Variants in RBFOX1 observed in about 807,000 individuals in gnomAD.
The protein encoded by RBFOX1 is RNA binding protein fox-1 homolog 1.
A neutral mutation model predicts 57.7 loss-of-function variants in RBFOX1; 8 were observed. That is an observed-to-expected ratio of 0.14 (90% CI 0.08 to 0.25). RBFOX1 has a LOEUF of 0.25. RBFOX1 is among the 10% of genes least tolerant of loss of function. The pLI is 1.00. For synonymous variants in RBFOX1, 326 were observed against 222.4 expected, an observed-to-expected ratio of 1.47 and a Z score of -4.15; for missense variants, 611 against 548.5, an observed-to-expected ratio of 1.11 and a Z score of -1.14.
At chr16:7,450,892 T>C (rs186440328) in intron 4 of RBFOX1, among the ~76,000 whole-genome samples, 2 of 152,096 alleles carry the variant, frequency 1.3e-5, no homozygotes, top group Non-Finnish European at 2.9e-5. Context: ...ATGGTGAGTT[T>C]CAGGGCATGC....
intron 2 of RBFOX1, among the ~76,000 whole-genome samples, chr16:6,347,276 G>T (rs957164265): frequency 6.6e-6 from 1 of 152,112 alleles, no homozygotes; most frequent in Non-Finnish European, 1.5e-5. Flanking sequence ...ACGGGAGATG[G>T]TTCTCATCCT....
chr16:5,324,556 C>T (rs1188061290), intron 1 of RBFOX1, among the ~76,000 whole-genome samples: 1 of 152,190 alleles, frequency 6.6e-6, no homozygotes. Context: ...TGGAATCAAC[C>T]TCAGTGCCCA....
At chr16:6,779,468 C>T (rs1415187468) in intron 3 of RBFOX1, among the ~76,000 whole-genome samples, 2 of 151,664 alleles carry the variant, frequency 1.3e-5, no homozygotes, top group African/African-American at 2.4e-5. Flanking sequence ...AAGAGTACTA[C>T]AATAAACATG....
intron 2 of RBFOX1, among the ~76,000 whole-genome samples, chr16:6,365,600 C>G (rs974658096): frequency 6.6e-6 from 1 of 152,134 alleles, no homozygotes; most frequent in South Asian, 2.1e-4. Context: ...CATATGCTAT[C>G]TTTTTTTGTG....
chr16:7,170,998 C>T (rs115472756), intron 4 of RBFOX1, among the ~76,000 whole-genome samples: 1 of 152,326 alleles, frequency 6.6e-6, no homozygotes, highest in African/African-American at 2.4e-5. Flanking sequence ...TCCCGTCTTG[C>T]TCCAGTCTGC....
At chr16:7,291,337 C>T (rs1351189638) in intron 4 of RBFOX1, among the ~76,000 whole-genome samples, 6 of 152,144 alleles carry the variant, frequency 3.9e-5, no homozygotes, top group African/African-American at 1.4e-4. Context: ...TTGGGAAGAG[C>T]TGAGACTGAG....
intron 4 of RBFOX1, among the ~76,000 whole-genome samples, chr16:5,973,078 G>A (rs959704144): frequency 2.6e-5 from 4 of 152,174 alleles, no homozygotes; most frequent in Non-Finnish European, 5.9e-5. Context: ...AGGTTAAAGA[G>A]TCAGCTGACT....
chr16:5,976,503 G>C (rs1171405138), intron 4 of RBFOX1, among the ~76,000 whole-genome samples: 1 of 152,108 alleles, frequency 6.6e-6, no homozygotes, highest in Non-Finnish European at 1.5e-5. Flanking sequence ...GAAATTCCAG[G>C]GTGGTCCACT....
chr16:6,636,738 C>T (rs2098436664), intron 2 of RBFOX1, among the ~76,000 whole-genome samples: 1 of 129,604 alleles, frequency 7.7e-6, no homozygotes, highest in Admixed American at 8.6e-5. Flanking sequence ...TAAAATAAGC[C>T]AATTATATAT....
At chr16:7,626,116 C>G (rs920798449) in intron 10 of RBFOX1, among the ~76,000 whole-genome samples, 1 of 152,218 alleles carries the variant, frequency 6.6e-6, no homozygotes. Context: ...AAAAGATTTC[C>G]TGGAAAAAGA....
chr16:6,692,589 A>G (rs941994827), intron 3 of RBFOX1, among the ~76,000 whole-genome samples: 1 of 152,010 alleles, frequency 6.6e-6, no homozygotes, highest in Non-Finnish European at 1.5e-5. Context: ...AAAGCTGGAA[A>G]ATTTTTGTTG....
chr16:6,984,934 C>A (rs976552621), intron 3 of RBFOX1, among the ~76,000 whole-genome samples: 1 of 152,132 alleles, frequency 6.6e-6, no homozygotes, highest in Non-Finnish European at 1.5e-5. Flanking sequence ...AGACATTGCA[C>A]CCGGTACCTT....
intron 12 of RBFOX1, among the ~76,000 whole-genome samples, chr16:7,654,154 G>C (rs1325464152): frequency 1.3e-5 from 2 of 152,184 alleles, no homozygotes. Context: ...GTCATGGTTG[G>C]TGCCTTTAAG....
intron 1 of RBFOX1, among the ~76,000 whole-genome samples, chr16:6,143,722 T>C (rs1379772581): frequency 6.6e-6 from 1 of 152,124 alleles, no homozygotes; most frequent in Non-Finnish European, 1.5e-5. Flanking sequence ...GTGGGAAAGC[T>C]CAAAGTTTGC....
chr16:7,075,602 A>G (rs2058142492), intron 4 of RBFOX1, among the ~76,000 whole-genome samples: 1 of 151,292 alleles, frequency 6.6e-6, no homozygotes, highest in Non-Finnish European at 1.5e-5. Flanking sequence ...TTTTTATGAG[A>G]CGGAGTCTCG....
chr16:6,081,908 C>T (rs914994253), intron 1 of RBFOX1, among the ~76,000 whole-genome samples: 10 of 152,156 alleles, frequency 6.6e-5, no homozygotes, highest in African/African-American at 2.4e-4. Flanking sequence ...TCCTCCTAGT[C>T]CCAATTTATT....
rs1477219544 is a variant in RBFOX1, at chr16:7,412,899, A to G, written c.28-105248A>G. On this transcript the variant is annotated intron_variant, in intron 4 of 15. Transcript: ENST00000550418. ...CTACTACAAATATAAAAAATTGGCC[A>G]GGCGCCATGGTGGGCGCCTGCAGTC... Among the ~76,000 whole-genome samples, 3 of 151,990 alleles carry G rather than the reference A, an allele frequency of 2.0e-5. No homozygotes were observed. The East Asian group carries it at 5.9e-4, about 30-fold the overall frequency.
chr16:6,909,571 G>C (rs1377917236), intron 3 of RBFOX1, among the ~76,000 whole-genome samples: 1 of 152,198 alleles, frequency 6.6e-6, no homozygotes, highest in African/African-American at 2.4e-5. Flanking sequence ...TTCATATTCA[G>C]GCTCAGCTAC....
intron 14 of RBFOX1, among the ~76,000 whole-genome samples, chr16:7,705,538 C>T (rs1333904611): frequency 1.3e-5 from 2 of 152,068 alleles, no homozygotes; most frequent in African/African-American, 4.8e-5. Flanking sequence ...TCCTATGTGC[C>T]TGGAGCACAG....
Sources: gnomAD v4.1 joint callset for allele counts (sites outside exome capture counted in the v4.1 genomes callset) on GRCh38, gnomAD v4.1.1 for gene constraint, MANE v1.5 for transcripts, NCBI Gene and HGNC (gene_info 2026-07-23, HGNC 2026-07-21) for gene names.